The following STX7 variants were observed in gnomAD, a reference collection of about 807,000 sequenced individuals.
STX7 encodes the protein syntaxin 7, also known as syntaxin-7.
STX7 carries 34 observed loss-of-function variants against 39.6 expected under a neutral mutation model. The observed-to-expected ratio is 0.86, with a 90% CI of 0.65 to 1.14. The LOEUF (loss-of-function observed/expected upper bound fraction) is 1.14, where lower values mean the gene tolerates loss of function less well. STX7 is among the 50% of genes most tolerant of loss of function. The probability of loss-of-function intolerance (pLI) is 0.00; values close to 1 mark genes in which losing one functional copy is unlikely to be tolerated. For missense variants in STX7, 284 were observed against 310.4 expected (o/e 0.92, Z 0.64); for synonymous variants, 119 against 99.1 (o/e 1.20, Z -1.19).
At chr6:132,487,916 G>A (rs1238643747) in intron 2 of STX7, among the ~76,000 whole-genome samples, 1 of 151,576 alleles carries the variant, frequency 6.6e-6, no homozygotes, top group Non-Finnish European at 1.5e-5. Flanking sequence ...ACTATGATTT[G>A]TATTTCCTTT....
Position 132,482,914 on chromosome 6 carries a change from C to T in STX7, c.86-7252G>A, listed in dbSNP as rs549924777. 3.3e-5 allele frequency among the ~76,000 whole-genome samples: 5 copies of T among 151,888 alleles called. No individual in the cohort carries two copies. The South Asian group carries it at 1.0e-3, about 32-fold the overall frequency. On this transcript the variant is annotated intron_variant, in intron 2 of 9. Transcript: ENST00000367941. ...AATTATGGCCCGTAGAGCCTGAAAC[C>T]TGGTTTTGTACAGACTTCCAAGCTA...
chr6:132,487,426 A>G (rs1775167398), intron 2 of STX7, among the ~76,000 whole-genome samples: 1 of 152,180 alleles, frequency 6.6e-6, no homozygotes, highest in Non-Finnish European at 1.5e-5. Flanking sequence ...GAGTTGAACA[A>G]TGAGAACACA....
rs547349401 is a variant in STX7, at chr6:132,505,445, G to A, written c.-58-1857C>T. 4.6e-5 allele frequency among the ~76,000 whole-genome samples: 7 copies of A among 152,298 alleles called. No homozygotes were observed. In the South Asian group the frequency reaches 1.2e-3, roughly 27 times the overall value. On this transcript the variant is annotated intron_variant, in intron 1 of 9. Transcript: ENST00000367941. ...GTGCCTGGCCACGCTGAAAGTCCTGGTGGCTTTTAGATATTCTCCAACTTC... is the reference window on the plus strand; with the variant it reads ...GTGCCTGGCCACGCTGAAAGTCCTGATGGCTTTTAGATATTCTCCAACTTC...
intron 2 of STX7, among the ~76,000 whole-genome samples, chr6:132,493,761 A>C (rs1422909381): frequency 6.6e-6 from 1 of 152,242 alleles, no homozygotes. Context: ...CAAAGAGATG[A>C]GGACCATAAT....
chr6:132,458,631 G>GTT lies in STX7; in HGVS notation c.*2125_*2126dup, dbSNP rs1370950109. 2.6e-5 allele frequency: 4 copies of GTT among 152,152 alleles called. No individual in the cohort carries two copies. The highest frequency in any genetic ancestry group is 5.9e-5 in the Non-Finnish European group (4 of 68,034). 9.4% of individuals were successfully genotyped at this position (152,152 alleles called of 1,614,324 possible). On this transcript the variant is annotated 3_prime_UTR_variant, in exon 10 of 10. Coordinates refer to ENST00000367941, the MANE Select transcript of STX7 (RefSeq NM_003569.3). ...AGGGCAACCTTCACTTTTCACAGCA[G>GTT]TTCTAAAACTGACCTACAGAAAAGT... is the stretch of plus-strand genomic sequence containing the variant.
chr6:132,475,642 G>C lies in STX7; in HGVS notation c.106C>G (p.Leu36Val). ...TCTTGAGGTGTTCCAAGTTGATTCA[G>C]AGTTCTTTGTATTTCCACAGCTATT... The part of the protein sequence containing the change: ...TQCSVEIQRT[L>V]NQLGTPQDSP... Residue 36 changes from leucine to valine, a missense_variant, in exon 3 of 10, where the codon CTG becomes GTG. Leu to Val is a conservative substitution (Grantham distance 32). Transcript: ENST00000367941. The C allele has an allele frequency of 6.2e-7, 1 of 1,608,570 alleles. No individual in the cohort carries two copies. Among genetic ancestry groups the C allele is most frequent in the Non-Finnish European group, 8.5e-7 (1 of 1,177,446 alleles).
intron 2 of STX7, among the ~76,000 whole-genome samples, chr6:132,491,568 A>G (rs973065576): frequency 3.3e-5 from 5 of 152,068 alleles, no homozygotes; most frequent in Admixed American, 1.3e-4. Flanking sequence ...TCTGTCCAAC[A>G]TGACTCCTAT....
rs149046712 is a variant in STX7 at position 132,503,435 on chromosome 6, ACT to A, written c.85+9_85+10del. On this transcript the variant is annotated intron_variant, in intron 2 of 9. Coordinates refer to ENST00000367941, the MANE Select transcript of STX7 (RefSeq NM_003569.3). The stretch of plus-strand genomic sequence containing the variant: ...ATACAAATAGTGAAGTCCATTTAAA[ACT>A]CAACTCACAACACTGTGTGATCTTC... 1.6e-4 allele frequency: 265 copies of A among 1,612,092 alleles called. 2 individuals carry two copies. The African/African-American group carries it at 3.2e-3, about 19-fold the overall frequency.
chr6:132,491,028 G>GCACAGCACAGC (rs1554250963), intron 2 of STX7, among the ~76,000 whole-genome samples: 1 of 151,742 alleles, frequency 6.6e-6, no homozygotes, highest in African/African-American at 2.4e-5. Flanking sequence ...GCACAGCAGA[G>GCACAGCACAGC]AGAATAGAGC....
intron 1 of STX7, among the ~76,000 whole-genome samples, chr6:132,509,432 C>A (rs920237709): frequency 1.4e-5 from 2 of 143,260 alleles, no homozygotes; most frequent in Non-Finnish European, 3.0e-5. Context: ...AGCCCGGCGA[C>A]AGAGCGAGAC....
intron 2 of STX7, among the ~76,000 whole-genome samples, chr6:132,492,770 C>T (rs1308154848): frequency 2.0e-5 from 3 of 152,174 alleles, no homozygotes; most frequent in Non-Finnish European, 4.4e-5. Flanking sequence ...TAAAAGATAC[C>T]TAATACAAGG....
chr6:132,453,543 C>T lies in STX7; in HGVS notation c.*7215G>A, dbSNP rs147974980. 27 of 151,932 alleles carry T rather than the reference C, an allele frequency of 1.8e-4. No homozygotes were observed. In the East Asian group the frequency reaches 4.8e-3, roughly 27 times the overall value. 9.4% of individuals were successfully genotyped at this position (151,932 alleles called of 1,614,324 possible). ...CTAGAAAAAAATACACACACACACA[C>T]ACAGAGGCACACACACACATTATTT... On this transcript the variant is annotated 3_prime_UTR_variant, in exon 10 of 10. Coordinates refer to ENST00000367941, the MANE Select transcript of STX7 (RefSeq NM_003569.3).
chr6:132,475,683 T>C (rs1363417061), intron 2 of STX7, 21 bp from the exon 3 acceptor site: 2 of 1,539,056 alleles, frequency 1.3e-6, no homozygotes, highest in Non-Finnish European at 1.8e-6. Context: ...AGAAAATTCA[T>C]GTATTAATTG....
rs769694088 is a variant in STX7, at chr6:132,472,231, TG to T, written c.249+50del. The stretch of plus-strand genomic sequence containing the variant: ...ACAGTTCAAAGATCCTACAGTGCAC[TG>T]GGTTTTTTTCACATTCAATACATCA... On this transcript the variant is annotated intron_variant, in intron 4 of 9. Coordinates refer to ENST00000367941, the MANE Select transcript of STX7 (RefSeq NM_003569.3). The T allele has an allele frequency of 1.5e-5, 21 of 1,420,428 alleles. No individual in the cohort carries two copies. The East Asian group carries it at 4.6e-4, about 31-fold the overall frequency. The allele number at this position is 1,420,428 out of a possible 1,614,324, so 88.0% of individuals were successfully genotyped here.
Position 132,450,669 on chromosome 6 carries a change from T to C in STX7, c.*10089A>G, listed in dbSNP as rs1699564162. ...TTAATTGATAGGCTCAATAGCAGAA[T>C]GGAAGCTACTGCAGAAAGAATGAAT... On this transcript the variant is annotated 3_prime_UTR_variant, in exon 10 of 10. Transcript: ENST00000367941. 1 of 152,034 alleles carries C rather than the reference T, an allele frequency of 6.6e-6. No homozygotes were observed. The highest frequency in any genetic ancestry group is 2.4e-5 in the African/African-American group (1 of 41,420). The allele number at this position is 152,034 out of a possible 1,614,324, so 9.4% of individuals were successfully genotyped here.
chr6:132,469,403 CAAT>C (rs1212784404), intron 7 of STX7, among the ~76,000 whole-genome samples: 1 of 151,904 alleles, frequency 6.6e-6, no homozygotes, highest in African/African-American at 2.4e-5. Context: ...CTTGATATAA[CAAT>C]AATAATTTTT....
intron 2 of STX7, among the ~76,000 whole-genome samples, chr6:132,490,016 A>C (rs967799970): frequency 5.3e-5 from 8 of 152,252 alleles, no homozygotes; most frequent in African/African-American, 1.9e-4. Flanking sequence ...TGGGTCTTTT[A>C]GCAAATTTAT....
Position 132,460,833 on chromosome 6 carries a change from G to C in STX7, c.711C>G (p.Thr237=), listed in dbSNP as rs1451041803. 6 of 1,612,766 alleles carry C rather than the reference G, an allele frequency of 3.7e-6. No individual in the cohort carries two copies. The highest frequency in any genetic ancestry group is 5.1e-6 in the Non-Finnish European group (6 of 1,179,576). Residue 237 remains threonine, a synonymous_variant, in exon 10 of 10, where the codon ACC becomes ACG. Transcript: ENST00000367941. ...AADYQRKSRK[T]LCIIILILVI... is the part of the protein sequence containing the mutation. ...CAAGGATAAGAATGATGATGCACAG[G>C]GTTTTTCTGGATTTGCGCTGCAGAC...
At position 132,454,611 on chromosome 6, in the gene STX7, T is replaced by C. The variant is rs1774207518; in HGVS notation, c.*6147A>G. On this transcript the variant is annotated 3_prime_UTR_variant, in exon 10 of 10. Transcript: ENST00000367941. Reference sequence around the variant, plus strand: ...ATGTCCATACCATTCCAAAGGAAAGTATTGGTCACATACTCCATTCTAGAT... The same window carrying C: ...ATGTCCATACCATTCCAAAGGAAAGCATTGGTCACATACTCCATTCTAGAT... 6.6e-6 allele frequency: 1 copy of C among 152,144 alleles called. No homozygotes were observed. Among genetic ancestry groups the C allele is most frequent in the African/African-American group, 2.4e-5 (1 of 41,440 alleles). The allele number at this position is 152,144 out of a possible 1,614,324, so 9.4% of individuals were successfully genotyped here. A position where few individuals can be genotyped will look rare whatever the true frequency, so the allele number is the denominator to read the frequency against.
Sources: allele counts gnomAD v4.1 joint callset (sites outside exome capture counted in the v4.1 genomes callset), GRCh38; gene constraint gnomAD v4.1.1; transcripts MANE v1.5; gene names NCBI Gene and HGNC (gene_info 2026-07-23, HGNC 2026-07-21).